The following ROBO1 variants were observed in gnomAD, a reference collection of about 807,000 sequenced individuals.
ROBO1 encodes the protein roundabout guidance receptor 1.
A neutral mutation model predicts 195.9 loss-of-function variants in ROBO1; 149 were observed. The observed-to-expected ratio is 0.76, with a 90% confidence interval of 0.67 to 0.87. The LOEUF (loss-of-function observed/expected upper bound fraction) is 0.87. Ranked by LOEUF, ROBO1 falls within the 40% of genes least tolerant of loss-of-function variation. The pLI is 0.00. For missense variants in ROBO1, 1,933 were observed against 2,068.3 expected, an observed-to-expected ratio of 0.93 and a Z score of 1.27; for synonymous variants, 816 against 733.2, an observed-to-expected ratio of 1.11 and a Z score of -1.82.
chr3:79,757,305 C>T (rs1704458360), intron 1 of ROBO1, among the ~76,000 whole-genome samples: 1 of 152,082 alleles, frequency 6.6e-6, no homozygotes, highest in South Asian at 2.1e-4. Flanking sequence ...TGTTTGAAGT[C>T]TTAATTAATT....
intron 3 of ROBO1, among the ~76,000 whole-genome samples, chr3:78,997,612 G>C (rs1291399144): frequency 2.0e-5 from 3 of 152,084 alleles, no homozygotes; most frequent in African/African-American, 7.2e-5. Flanking sequence ...ATGTGGAGTG[G>C]AAGCAAACAA....
chr3:78,672,035 A>G (rs1387088825), intron 10 of ROBO1, among the ~76,000 whole-genome samples: 1 of 152,184 alleles, frequency 6.6e-6, no homozygotes, highest in Non-Finnish European at 1.5e-5. Context: ...CATCTGCCAT[A>G]TGTCTTTGGG....
intron 2 of ROBO1, among the ~76,000 whole-genome samples, chr3:79,209,767 T>C (rs779027048): frequency 1.4e-4 from 21 of 152,142 alleles, no homozygotes; most frequent in Non-Finnish European, 1.3e-4. Flanking sequence ...TTGCCCATGA[T>C]ATGATTATAT....
chr3:78,937,135 T>C (rs1452606748), intron 4 of ROBO1, among the ~76,000 whole-genome samples: 1 of 152,118 alleles, frequency 6.6e-6, no homozygotes, highest in African/African-American at 2.4e-5. Context: ...TTTGGCATTC[T>C]GTCTTAAGTA....
At chr3:79,561,698 C>T (rs945372522) in intron 2 of ROBO1, among the ~76,000 whole-genome samples, 1 of 152,114 alleles carries the variant, frequency 6.6e-6, no homozygotes, top group Non-Finnish European at 1.5e-5. Flanking sequence ...TGGTGAGTTG[C>T]TGCATCTTCC....
At chr3:79,299,187 G>A (rs1490781656) in intron 2 of ROBO1, among the ~76,000 whole-genome samples, 3 of 152,106 alleles carry the variant, frequency 2.0e-5, no homozygotes, top group Non-Finnish European at 4.4e-5. Context: ...GTATATTGAA[G>A]TTTACATCGC....
chr3:79,056,358 C>T (rs767674484), intron 3 of ROBO1, among the ~76,000 whole-genome samples: 15 of 152,056 alleles, frequency 9.9e-5, no homozygotes, highest in South Asian at 2.1e-4. Flanking sequence ...TTTTAATTGC[C>T]GACCCCACTG....
intron 1 of ROBO1, among the ~76,000 whole-genome samples, chr3:79,755,993 T>G (rs1364338803): frequency 6.6e-6 from 1 of 152,264 alleles, no homozygotes; most frequent in Non-Finnish European, 1.5e-5. Flanking sequence ...TCCAGTCATT[T>G]CATTCCAAAA....
chr3:79,000,197 G>C (rs2077466000), intron 3 of ROBO1, among the ~76,000 whole-genome samples: 1 of 152,110 alleles, frequency 6.6e-6, no homozygotes, highest in Non-Finnish European at 1.5e-5. Flanking sequence ...CCTTCACATG[G>C]CAGCAGCAAG....
intron 8 of ROBO1, among the ~76,000 whole-genome samples, chr3:78,711,343 C>CCTCCTTTCTTTCTTT (rs1371623770): frequency 0.036 from 3,630 of 100,636 alleles, 261 homozygotes; most frequent in East Asian, 0.12. Flanking sequence ...TTCCTTCCTT[C>CCTCCTTTCTTTCTTT]CTTCCTCCTT....
At chr3:78,791,033 A>G (rs1252801219) in intron 4 of ROBO1, among the ~76,000 whole-genome samples, 1 of 152,230 alleles carries the variant, frequency 6.6e-6, no homozygotes, top group Non-Finnish European at 1.5e-5. Flanking sequence ...TTTACCCTAG[A>G]GCTAGCGAGA....
At chr3:78,629,388 G>A (rs1705033552) in intron 25 of ROBO1, among the ~76,000 whole-genome samples, 1 of 151,960 alleles carries the variant, frequency 6.6e-6, no homozygotes, top group African/African-American at 2.4e-5. Flanking sequence ...TGTTAAAATA[G>A]CTTGGGAAAT....
At chr3:79,286,286 G>C (rs184324036) in intron 2 of ROBO1, among the ~76,000 whole-genome samples, 1 of 152,190 alleles carries the variant, frequency 6.6e-6, no homozygotes, top group East Asian at 1.9e-4. Context: ...AAAATCCTTT[G>C]CAAAAATTGA....
chr3:79,160,497 T>C (rs1559702417), intron 2 of ROBO1, among the ~76,000 whole-genome samples: 1 of 151,994 alleles, frequency 6.6e-6, no homozygotes, highest in Non-Finnish European at 1.5e-5. Context: ...TGAGGGCATA[T>C]TGTAGGTTCT....
intron 3 of ROBO1, among the ~76,000 whole-genome samples, chr3:79,029,704 C>T (rs1473618181): frequency 6.6e-6 from 1 of 152,184 alleles, no homozygotes; most frequent in Non-Finnish European, 1.5e-5. Flanking sequence ...CCCATACTTC[C>T]CCTGGGTAAC....
At chr3:79,036,931 C>T (rs913895249) in intron 3 of ROBO1, among the ~76,000 whole-genome samples, 4 of 152,070 alleles carry the variant, frequency 2.6e-5, no homozygotes, top group African/African-American at 9.7e-5. Context: ...TGCAGATTCT[C>T]GAGTTCTCAT....
chr3:78,879,458 C>G (rs2036050076), intron 4 of ROBO1, among the ~76,000 whole-genome samples: 1 of 151,398 alleles, frequency 6.6e-6, no homozygotes, highest in South Asian at 2.1e-4. Flanking sequence ...CAAATATAAG[C>G]AAAACTGAAG....
intron 2 of ROBO1, among the ~76,000 whole-genome samples, chr3:79,526,989 A>AT (rs1941460322): frequency 6.6e-6 from 1 of 152,140 alleles, no homozygotes; most frequent in African/African-American, 2.4e-5. Context: ...GATAAATCAT[A>AT]TTTTTTCTGA....
chr3:79,718,056 G>A (rs754971532), intron 1 of ROBO1, among the ~76,000 whole-genome samples: 3 of 151,948 alleles, frequency 2.0e-5, no homozygotes, highest in African/African-American at 4.8e-5. Context: ...TAGTGTCAAC[G>A]GAGTTTCAGG....
Sources: allele counts gnomAD v4.1 joint callset (sites outside exome capture counted in the v4.1 genomes callset), GRCh38; gene constraint gnomAD v4.1.1; transcripts MANE v1.5; gene names NCBI Gene and HGNC (gene_info 2026-07-23, HGNC 2026-07-21).